The following SALL4 variants were observed in gnomAD, a reference collection of about 807,000 sequenced individuals.
SALL4 encodes spalt like transcription factor 4.
Under a neutral mutation model 60.8 loss-of-function variants are expected in SALL4, and 4 were observed. That is an observed-to-expected ratio of 0.07 (90% CI 0.03 to 0.15). The LOEUF is 0.15. Among genes scored for constraint, SALL4 ranks in the 10% least tolerant of loss-of-function variants. The pLI, the probability that SALL4 is intolerant of heterozygous loss-of-function variation, is 1.00. For synonymous variants in SALL4, 580 were observed against 574.9 expected (o/e 1.01, Z -0.13); for missense variants, 1,178 against 1,394.7 (o/e 0.84, Z 2.48).
chr20:51,790,520 T>C lies in SALL4; in HGVS notation c.1963A>G (p.Asn655Asp). The change falls in exon 2 of 4, where the codon AAC becomes GAC. Residue 655 changes from asparagine to aspartate, a missense_variant. Physicochemically the swap from Asn to Asp is conservative, Grantham distance 23 (BLOSUM62 1). Transcript: ENST00000217086. The surrounding 1 kb of genome is among the most constrained non-coding windows in gnomAD (Gnocchi z 5.5). Reference sequence around the variant, plus strand: ...CAGGGATTCTCTGGCAGGGGCGTGTTGGGAATCTGACCGCCCATGTGCATC... The same window carrying C: ...CAGGGATTCTCTGGCAGGGGCGTGTCGGGAATCTGACCGCCCATGTGCATC... ...IRMHMGGQIPNTPLPENPCDF... is the reference protein window; with the variant it reads ...IRMHMGGQIPDTPLPENPCDF... The C allele has an allele frequency of 1.9e-6, 3 of 1,614,120 alleles. No individual in the cohort carries two copies. The highest frequency in any genetic ancestry group is 1.7e-6 in the Non-Finnish European group (2 of 1,180,034).
chr20:51,796,852 T>C (rs112233565), intron 1 of SALL4, among the ~76,000 whole-genome samples: 2 of 152,254 alleles, frequency 1.3e-5, no homozygotes, highest in African/African-American at 4.8e-5. Flanking sequence ...TCCCCACTTA[T>C]AAAGTTCTAA....
At chr20:51,785,793 G>A (rs1472545842) in intron 3 of SALL4, among the ~76,000 whole-genome samples, 2 of 151,532 alleles carry the variant, frequency 1.3e-5, no homozygotes, top group Non-Finnish European at 1.5e-5. Context: ...ACAGGCACGC[G>A]CCACCATGCC....
Position 51,790,723 on chromosome 20 carries a change from G to A in SALL4, c.1760C>T (p.Thr587Ile), listed in dbSNP as rs1217281158. 1 of 1,614,178 alleles carries A rather than the reference G, an allele frequency of 6.2e-7. No individual in the cohort carries two copies. ...CTGGAACGGTCTCTCCCCGGTGTGG[G>A]TGCGATAATGCATCTTGAGGGAGCT... ...CQSSLKMHYRTHTGERPFQCK... is the reference protein window; with the variant it reads ...CQSSLKMHYRIHTGERPFQCK... The change falls in exon 2 of 4, where the codon ACC becomes ATC. Residue 587 changes from threonine to isoleucine, a missense_variant. Physicochemically the swap from Thr to Ile is moderately conservative, Grantham distance 89 (BLOSUM62 -1). Around this residue, in one of 5 missense-constraint regions of SALL4, gnomAD observed 853 missense variants for 1,036.8 expected, o/e 0.82. Transcript: ENST00000217086. The surrounding 1 kb of genome is among the most constrained non-coding windows in gnomAD (Gnocchi z 5.5).
Position 51,788,685 on chromosome 20 carries a change from G to A in SALL4, c.2742+176C>T, listed in dbSNP as rs946864271. Among the ~76,000 whole-genome samples, 4 of 152,154 alleles carry A rather than the reference G, an allele frequency of 2.6e-5. No individual in the cohort carries two copies. Among genetic ancestry groups the A allele is most frequent in the African/African-American group, 9.6e-5 (4 of 41,510 alleles). On this transcript the variant is annotated intron_variant, in intron 3 of 3. Transcript: ENST00000217086. This position sits in a 1 kb window ranked among gnomAD's most constrained non-coding sequence, Gnocchi z 4.1. The stretch of plus-strand genomic sequence containing the variant: ...TGCACTCCAGTCTGGGCGACAGAGT[G>A]AGACTCCGTCTCAAAAATAAATAAA...
intron 1 of SALL4, among the ~76,000 whole-genome samples, chr20:51,793,356 C>T (rs1266536512): frequency 6.6e-6 from 1 of 151,954 alleles, no homozygotes; most frequent in Non-Finnish European, 1.5e-5. Context: ...AGCATGGCAG[C>T]GTCCATGTAT....
intron 1 of SALL4, among the ~76,000 whole-genome samples, chr20:51,797,867 CCAAT>C (rs1177613748): frequency 6.6e-6 from 1 of 152,042 alleles, no homozygotes; most frequent in African/African-American, 2.4e-5. Context: ...CTACTAGTGG[CCAAT>C]CAAATTCTGG....
chr20:51,799,462 C>T (rs2078097508), intron 1 of SALL4, among the ~76,000 whole-genome samples: 1 of 152,328 alleles, frequency 6.6e-6, no homozygotes, highest in South Asian at 2.1e-4. Context: ...GGTTCCCCAA[C>T]CCACAGCCCA....
Position 51,783,578 on chromosome 20 carries a change from CTGT to C in SALL4, c.*684_*686del, listed in dbSNP as rs1331591984. 2.0e-5 allele frequency: 3 copies of C among 152,864 alleles called. No individual in the cohort carries two copies. Among genetic ancestry groups the C allele is most frequent in the African/African-American group, 7.2e-5 (3 of 41,420 alleles). The allele number at this position is 152,864 out of a possible 1,614,324, so 9.5% of individuals were successfully genotyped here. A position where few individuals can be genotyped will look rare whatever the true frequency, so the allele number is the denominator to read the frequency against. ...TGAGGCTGTGTAGTTGTCTTTTCCA[CTGT>C]TGTTCAGTAAGTTCCAACGATTCTA... On this transcript the variant is annotated 3_prime_UTR_variant, in exon 4 of 4. Coordinates refer to ENST00000217086, the MANE Select transcript of SALL4 (RefSeq NM_020436.5).
chr20:51,794,232 A>G (rs13045163), intron 1 of SALL4, among the ~76,000 whole-genome samples: 13,576 of 152,252 alleles, frequency 0.089, 821 homozygotes, highest in Non-Finnish European at 0.13. Context: ...TATAATTCAG[A>G]TTTTGTACCA....
At position 51,782,550 on chromosome 20, in the gene SALL4, CAAAAAAAAAAA is replaced by C. The variant is rs35289382; in HGVS notation, c.*1704_*1714del. 3 of 56,388 alleles carry C rather than the reference CAAAAAAAAAAA, an allele frequency of 5.3e-5. No homozygotes were observed. Among genetic ancestry groups the C allele is most frequent in the Non-Finnish European group, 7.5e-5 (2 of 26,704 alleles). The allele number at this position is 56,388 out of a possible 1,614,324, so 3.5% of individuals were successfully genotyped here. ...TTCCAGAAGGAAAGGCACAACTTGGCAAAAAAAAAAAAAAAAAAAAAAAAGGGGGGCGGAAT... is the reference window on the plus strand; with the variant it reads ...TTCCAGAAGGAAAGGCACAACTTGGCAAAAAAAAAAAAAGGGGGGCGGAAT... On this transcript the variant is annotated 3_prime_UTR_variant, in exon 4 of 4. Coordinates refer to ENST00000217086, the MANE Select transcript of SALL4 (RefSeq NM_020436.5).
intron 1 of SALL4, among the ~76,000 whole-genome samples, chr20:51,794,215 A>C (rs552035238): frequency 6.6e-6 from 1 of 152,364 alleles, no homozygotes; most frequent in South Asian, 2.1e-4. Flanking sequence ...GAGCCCCATT[A>C]TCTTCCTATA....
At chr20:51,796,205 A>G (rs2078078375) in intron 1 of SALL4, among the ~76,000 whole-genome samples, 1 of 150,472 alleles carries the variant, frequency 6.6e-6, no homozygotes, top group Admixed American at 6.6e-5. Context: ...TCAAAAAAAA[A>G]AAAAAAAAGA....
In SALL4 at chr20:51,790,458, C is replaced by T. The variant is rs749220545; in HGVS notation, c.2025G>A (p.Glu675=). 2.5e-6 allele frequency: 4 copies of T among 1,614,158 alleles called. No individual in the cohort carries two copies. In the South Asian group the frequency reaches 3.3e-5, roughly 13 times the overall value. ...FTGSEPMTVG[E]NGSTGAICHD... ...GGCAGATAGCGCCGGTGCTGCCGTTCTCACCCACGGTCATTGGCTCAGAAC... is the reference window on the plus strand; with the variant it reads ...GGCAGATAGCGCCGGTGCTGCCGTTTTCACCCACGGTCATTGGCTCAGAAC... Residue 675 remains glutamate (E), a synonymous_variant, in exon 2 of 4, where the codon GAG becomes GAA. Coordinates refer to ENST00000217086, the MANE Select transcript of SALL4 (RefSeq NM_020436.5). The surrounding 1 kb of genome is among the most constrained non-coding windows in gnomAD (Gnocchi z 5.5).
In SALL4 at chr20:51,789,020, G is replaced by A. The variant is rs1269574518; in HGVS notation, c.2583C>T (p.Ala861=). ...LSPGMTPLLA[A]QPRRQAKQHG... is the part of the protein sequence containing the mutation. ...GTTGCTTGGCCTGTCGGCGTGGCTG[G>A]GCTGCTAACAAAGGGGTCATCCCTG... The change falls in exon 3 of 4, where the codon GCC becomes GCT. Residue 861 remains alanine (A), a synonymous_variant. Transcript: ENST00000217086. 3 of 1,614,216 alleles carry A rather than the reference G, an allele frequency of 1.9e-6. No homozygotes were observed. The East Asian group carries it at 6.7e-5, about 36-fold the overall frequency.
Position 51,782,606 on chromosome 20 carries a change from A to T in SALL4, c.*1659T>A, listed in dbSNP as rs147726834. The T allele has an allele frequency of 3.6e-4, 55 of 151,568 alleles. 1 individual carries two copies. In the East Asian group the frequency reaches 0.01, roughly 29 times the overall value. The allele number at this position is 151,568 out of a possible 1,614,324, so 9.4% of individuals were successfully genotyped here. Reference sequence around the variant, plus strand: ...CGGAATCCTAAAGTCAGGTGCAACGATGAAGAGACAACACTTTGGCTAATC... The same window carrying T: ...CGGAATCCTAAAGTCAGGTGCAACGTTGAAGAGACAACACTTTGGCTAATC... On this transcript the variant is annotated 3_prime_UTR_variant, in exon 4 of 4. Transcript: ENST00000217086.
chr20:51,792,387 CAAGT>C (rs2078052826), intron 1 of SALL4, 35 bp from the exon 2 acceptor site: 1 of 1,598,990 alleles, frequency 6.3e-7, no homozygotes, highest in African/African-American at 1.3e-5. Flanking sequence ...GGACTCTGCC[CAAGT>C]AAAAGATGTG....
intron 1 of SALL4, among the ~76,000 whole-genome samples, chr20:51,793,247 C>G (rs1289836360): frequency 6.6e-6 from 1 of 152,096 alleles, no homozygotes; most frequent in African/African-American, 2.4e-5. Flanking sequence ...ACCAGTCATC[C>G]CAGCACTTTG....
intron 1 of SALL4, among the ~76,000 whole-genome samples, chr20:51,799,192 C>T (rs1472127811): frequency 1.3e-5 from 2 of 152,222 alleles, no homozygotes; most frequent in East Asian, 3.9e-4. Flanking sequence ...TGATCACATT[C>T]CCAATTCATA....
Position 51,784,123 on chromosome 20 carries a change from G to C in SALL4, c.*142C>G, listed in dbSNP as rs878992359. On this transcript the variant is annotated 3_prime_UTR_variant, in exon 4 of 4. Coordinates refer to ENST00000217086, the MANE Select transcript of SALL4 (RefSeq NM_020436.5). ...AATCGTGATTGTAGCACTTGCCTGA[G>C]GTTGTGGTCACAACCAACGTAGTAA... The C allele has an allele frequency of 2.6e-5, 24 of 940,096 alleles. No homozygotes were observed. In the South Asian group the frequency reaches 3.0e-4, roughly 12 times the overall value. 58.2% of individuals were successfully genotyped at this position (940,096 alleles called of 1,614,324 possible).
Sources: gnomAD v4.1 joint callset for allele counts (sites outside exome capture counted in the v4.1 genomes callset) on GRCh38, gnomAD v4.1.1 for gene constraint, gnomAD v4.1.1 regional missense constraint, Gnocchi (gnomAD v3.1) non-coding constraint, MANE v1.5 for transcripts, NCBI Gene and HGNC (gene_info 2026-07-23, HGNC 2026-07-21) for gene names.